Variants in MAP7D2 observed in about 807,000 individuals in gnomAD.
MAP7D2 encodes MAP7 domain-containing protein 2.
Under a neutral mutation model 63.5 loss-of-function variants are expected in MAP7D2, and 33 were observed. The observed-to-expected ratio is 0.52, with a 90% CI of 0.39 to 0.70. The LOEUF (loss-of-function observed/expected upper bound fraction) is 0.70. Ranked by LOEUF, MAP7D2 falls within the 30% of genes least tolerant of loss-of-function variation. The pLI is 0.00. For synonymous variants in MAP7D2, 224 were observed against 223.7 expected (o/e 1.00, Z -0.01); for missense variants, 626 against 604.0 (o/e 1.04, Z -0.38).
chrX:20,103,337 C>T (rs992862858), intron 1 of MAP7D2, among the ~76,000 whole-genome samples: 2 of 112,051 alleles, frequency 1.8e-5, no homozygotes, highest in Non-Finnish European at 3.8e-5. Flanking sequence ...TGAGACAGGA[C>T]AGAGAGGATT....
In MAP7D2 at chrX:20,110,808, A is replaced by G. The variant is rs2066721540; in HGVS notation, c.130+5942T>C. On this transcript the variant is annotated intron_variant, in intron 1 of 16. Coordinates refer to ENST00000379643, the MANE Select transcript of MAP7D2 (RefSeq NM_001168465.2). ...AACAAATCCCCCATGGATACCAAGG[A>G]ACGACTGTACTTGCCTATTACAGTA... Among the ~76,000 whole-genome samples, 3 of 111,114 alleles carry G rather than the reference A, an allele frequency of 2.7e-5. No homozygotes were observed. In the Admixed American group the frequency reaches 2.9e-4, roughly 11 times the overall value.
chrX:20,034,224 C>T (rs919412191), intron 8 of MAP7D2, among the ~76,000 whole-genome samples: 399 of 28,692 alleles, frequency 0.014, 1 homozygote, highest in South Asian at 0.034. Flanking sequence ...GACCCTGTCT[C>T]CAAAAAAAAA....
chrX:20,067,765 G>T (rs759515068), intron 1 of MAP7D2, among the ~76,000 whole-genome samples: 1 of 112,331 alleles, frequency 8.9e-6, no homozygotes, highest in African/African-American at 3.2e-5. Flanking sequence ...GTGCTGTAAC[G>T]AAGTGATGCA....
intron 1 of MAP7D2, among the ~76,000 whole-genome samples, chrX:20,099,627 C>G (rs2066374945): frequency 1.8e-5 from 2 of 111,939 alleles, no homozygotes; most frequent in South Asian, 7.4e-4. Context: ...GGGTTTAAGT[C>G]TACACACATG....
At chrX:20,086,015 C>A (rs2065902467) in intron 1 of MAP7D2, among the ~76,000 whole-genome samples, 1 of 112,469 alleles carries the variant, frequency 8.9e-6, no homozygotes, top group African/African-American at 3.2e-5. Context: ...CAGGCCTGCG[C>A]AGTTTTTTTC....
intron 11 of MAP7D2, among the ~76,000 whole-genome samples, chrX:20,015,631 A>T (rs765204492): frequency 8.9e-6 from 1 of 112,275 alleles, no homozygotes; most frequent in South Asian, 3.7e-4. Flanking sequence ...CAGAGAGTTA[A>T]TTCCCCAGGG....
At chrX:20,019,039 T>C (rs2073533742) in intron 10 of MAP7D2, among the ~76,000 whole-genome samples, 1 of 109,743 alleles carries the variant, frequency 9.1e-6, no homozygotes, top group Non-Finnish European at 1.9e-5. Context: ...TTTTTTTTTC[T>C]TTGTAGAGGC....
chrX:20,110,662 C>CAA (rs1282020261), intron 1 of MAP7D2, among the ~76,000 whole-genome samples: 20 of 33,001 alleles, frequency 6.1e-4, no homozygotes, highest in Admixed American at 1.2e-3. Context: ...GACTCTGTCT[C>CAA]AAAAAAAAAA....
intron 1 of MAP7D2, among the ~76,000 whole-genome samples, chrX:20,086,489 GGA>G (rs758609590): frequency 8.9e-6 from 1 of 112,241 alleles, no homozygotes; most frequent in Non-Finnish European, 1.9e-5. Context: ...GAGGTGGGGA[GGA>G]GAGAGTCAAA....
intron 6 of MAP7D2, among the ~76,000 whole-genome samples, chrX:20,046,493 T>A (rs891457979): frequency 2.7e-5 from 3 of 112,650 alleles, no homozygotes; most frequent in African/African-American, 9.7e-5. Flanking sequence ...TGTGTTTAAT[T>A]TTCTGGAGTA....
At chrX:20,026,683 C>T (rs2073855230) in intron 8 of MAP7D2, among the ~76,000 whole-genome samples, 1 of 111,683 alleles carries the variant, frequency 9.0e-6, no homozygotes, top group South Asian at 3.8e-4. Flanking sequence ...GAGGACAAGC[C>T]ACTTGGTTAA....
chrX:20,058,121 G>A (rs952639913), intron 3 of MAP7D2, among the ~76,000 whole-genome samples: 1 of 112,347 alleles, frequency 8.9e-6, no homozygotes, highest in South Asian at 3.7e-4. Flanking sequence ...TATTTGGCCT[G>A]AGACTCTACA....
chrX:20,060,476 AAGAAAGAAAGAAAG>A (rs1260344260), intron 3 of MAP7D2, among the ~76,000 whole-genome samples: 1 of 102,575 alleles, frequency 9.7e-6, no homozygotes, highest in Admixed American at 1.0e-4. Flanking sequence ...GAAAGAAAGA[AAGAAAGAAAGAAAG>A]AGAAAGAGGC....
intron 3 of MAP7D2, among the ~76,000 whole-genome samples, chrX:20,060,639 G>A (rs2065199788): frequency 9.0e-6 from 1 of 111,108 alleles, no homozygotes; most frequent in African/African-American, 3.3e-5. Context: ...CAGGTGACAG[G>A]AACTTGTTCT....
At chrX:20,018,154 C>T (rs1361007187) in intron 10 of MAP7D2, among the ~76,000 whole-genome samples, 8 of 109,624 alleles carry the variant, frequency 7.3e-5, no homozygotes, top group African/African-American at 1.7e-4. Flanking sequence ...TTAGTAGAGA[C>T]GGGGTTTCAC....
At chrX:20,048,131 T>C (rs1475568115) in intron 6 of MAP7D2, among the ~76,000 whole-genome samples, 1 of 111,645 alleles carries the variant, frequency 9.0e-6, no homozygotes, top group Non-Finnish European at 1.9e-5. Flanking sequence ...AGCCAGCACC[T>C]GGGAACGTAC....
intron 1 of MAP7D2, among the ~76,000 whole-genome samples, chrX:20,100,888 G>A (rs1569148789): frequency 9.0e-6 from 1 of 110,549 alleles, no homozygotes; most frequent in African/African-American, 3.3e-5. Context: ...GGGTGTGGTG[G>A]TGAATGCCTG....
chrX:20,050,521 G>A (rs1323598058), intron 6 of MAP7D2, among the ~76,000 whole-genome samples: 1 of 111,744 alleles, frequency 8.9e-6, no homozygotes, highest in Non-Finnish European at 1.9e-5. Flanking sequence ...ACCCCAGACT[G>A]GTCTACAGGC....
chrX:20,049,042 T>C (rs901220808), intron 6 of MAP7D2, among the ~76,000 whole-genome samples: 9 of 110,250 alleles, frequency 8.2e-5, no homozygotes, highest in African/African-American at 3.0e-4. Context: ...ACAGTCTACT[T>C]CTAAAAACAT....
Sources: allele counts gnomAD v4.1 joint callset (sites outside exome capture counted in the v4.1 genomes callset), GRCh38; gene constraint gnomAD v4.1.1; transcripts MANE v1.5; gene names NCBI Gene and HGNC (gene_info 2026-07-23, HGNC 2026-07-21).